The following SLC35F3 variants were observed in gnomAD, a reference collection of about 807,000 sequenced individuals.
SLC35F3 encodes the protein solute carrier family 35 member F3, also known as putative thiamine transporter SLC35F3.
In SLC35F3, 25 loss-of-function variants were observed where a neutral mutation model predicts 49.9. The ratio of observed to expected loss-of-function variants is 0.50; its 90% confidence interval spans 0.37 to 0.70. The LOEUF is 0.70. Ranked by LOEUF, SLC35F3 falls within the 30% of genes least tolerant of loss-of-function variation. The pLI, the probability that SLC35F3 is intolerant of heterozygous loss-of-function variation, is 0.00. For synonymous variants in SLC35F3, 275 were observed against 265.4 expected (o/e 1.04, Z -0.35); for missense variants, 525 against 639.8 (o/e 0.82, Z 1.94).
intron 2 of SLC35F3, among the ~76,000 whole-genome samples, chr1:234,206,855 G>A (rs917518099): frequency 1.5e-4 from 23 of 152,232 alleles, no homozygotes; most frequent in Admixed American, 5.2e-4. Flanking sequence ...ACAAGACCTT[G>A]CCTGCAGGTC....
At chr1:234,100,474 T>A (rs1319226642) in intron 2 of SLC35F3, among the ~76,000 whole-genome samples, 1 of 152,246 alleles carries the variant, frequency 6.6e-6, no homozygotes, top group African/African-American at 2.4e-5. Flanking sequence ...TGGTGTTGCC[T>A]TGTGGACAGA....
chr1:233,943,328 G>A (rs1662461847), intron 2 of SLC35F3, among the ~76,000 whole-genome samples: 1 of 152,150 alleles, frequency 6.6e-6, no homozygotes, highest in East Asian at 1.9e-4. Flanking sequence ...AAATAATCTT[G>A]TTCACAGATA....
At chr1:233,952,608 C>G (rs1037227672) in intron 2 of SLC35F3, among the ~76,000 whole-genome samples, 5 of 152,198 alleles carry the variant, frequency 3.3e-5, no homozygotes, top group African/African-American at 4.8e-5. Flanking sequence ...TTTCTTCTTG[C>G]AACCAAATCA....
rs543904001 is a variant in SLC35F3 at position 234,220,635 on chromosome 1, C to T, written c.284-10782C>T. Among the ~76,000 whole-genome samples, 9 of 152,240 alleles carry T rather than the reference C, an allele frequency of 5.9e-5. No homozygotes were observed. In the South Asian group the frequency reaches 1.2e-3, roughly 21 times the overall value. Reference sequence around the variant, plus strand: ...AGACAACTGCCATGTGGTATGCCCACGTCCTAACCACTGTACCATCTGATG... The same window carrying T: ...AGACAACTGCCATGTGGTATGCCCATGTCCTAACCACTGTACCATCTGATG... On this transcript the variant is annotated intron_variant, in intron 2 of 7. Transcript: ENST00000366618.
At chr1:234,047,694 T>TACATACACACACACACAC in intron 2 of SLC35F3, among the ~76,000 whole-genome samples, 1 of 137,622 alleles carries the variant, frequency 7.3e-6, no homozygotes, top group African/African-American at 3.4e-5. Context: ...CACACACACA[T>TACATACACACACACACAC]ACATACACAC....
intron 3 of SLC35F3, among the ~76,000 whole-genome samples, chr1:234,300,437 T>C (rs2102990026): frequency 6.6e-6 from 1 of 152,320 alleles, no homozygotes; most frequent in Admixed American, 6.5e-5. Flanking sequence ...CCTCTGGTCC[T>C]CCATAAAGGA....
At chr1:234,069,980 C>T (rs535382720) in intron 2 of SLC35F3, among the ~76,000 whole-genome samples, 1 of 152,312 alleles carries the variant, frequency 6.6e-6, no homozygotes, top group Admixed American at 6.5e-5. Flanking sequence ...ACAGCACCAC[C>T]TTGTGCTCTA....
intron 2 of SLC35F3, among the ~76,000 whole-genome samples, chr1:234,158,869 A>G (rs1666188392): frequency 1.3e-5 from 2 of 152,250 alleles, no homozygotes. Context: ...ATTAGAAAAG[A>G]ACCCTCCCTT....
chr1:234,052,370 G>C (rs1015101300), intron 2 of SLC35F3, among the ~76,000 whole-genome samples: 6 of 152,260 alleles, frequency 3.9e-5, no homozygotes, highest in African/African-American at 1.4e-4. Flanking sequence ...TCTTGGGAGG[G>C]TGTATATGTC....
intron 2 of SLC35F3, among the ~76,000 whole-genome samples, chr1:234,077,091 G>A (rs1047103326): frequency 6.9e-6 from 1 of 145,110 alleles, no homozygotes; most frequent in East Asian, 2.1e-4. Context: ...TGCAAGCTCC[G>A]CTTCCCGGGT....
chr1:234,294,849 A>G (rs1196419531), intron 3 of SLC35F3, among the ~76,000 whole-genome samples: 1 of 150,598 alleles, frequency 6.6e-6, no homozygotes, highest in Non-Finnish European at 1.5e-5. Context: ...AGCTCTGTGG[A>G]GGTGGGAGGG....
At chr1:233,991,760 C>G (rs1441839720) in intron 2 of SLC35F3, among the ~76,000 whole-genome samples, 1 of 152,170 alleles carries the variant, frequency 6.6e-6, no homozygotes, top group South Asian at 2.1e-4. Flanking sequence ...ACCTTTCATG[C>G]ATTTAGAGGA....
At chr1:234,232,519 CAAAAAAAAAAAAA>C (rs536692686) in intron 3 of SLC35F3, among the ~76,000 whole-genome samples, 3 of 72,362 alleles carry the variant, frequency 4.1e-5, no homozygotes, top group African/African-American at 1.6e-4. Context: ...CAGGCCTAGT[CAAAAAAAAAAAAA>C]AAAAAAAAGA....
At chr1:234,314,636 C>G (rs1229122030) in intron 4 of SLC35F3, among the ~76,000 whole-genome samples, 1 of 152,198 alleles carries the variant, frequency 6.6e-6, no homozygotes, top group East Asian at 1.9e-4. Context: ...TGGCGGGCAC[C>G]TGTAGTCACA....
chr1:234,324,327 T>C lies in SLC35F3; in HGVS notation c.*1084T>C, dbSNP rs1657703629. The C allele has an allele frequency of 6.6e-6, 1 of 152,216 alleles. No homozygotes were observed. Among genetic ancestry groups the C allele is most frequent in the Non-Finnish European group, 1.5e-5 (1 of 68,046 alleles). The allele number at this position is 152,216 out of a possible 1,614,324, so 9.4% of individuals were successfully genotyped here. A position where few individuals can be genotyped will look rare whatever the true frequency, so the allele number is the denominator to read the frequency against. Reference sequence around the variant, plus strand: ...TTTACTATTTTTGAAGTTTACATTGTTACATATGAAATGGAAACATTATTT... The same window carrying C: ...TTTACTATTTTTGAAGTTTACATTGCTACATATGAAATGGAAACATTATTT... On this transcript the variant is annotated 3_prime_UTR_variant, in exon 8 of 8. Coordinates refer to ENST00000366618, the MANE Select transcript of SLC35F3 (RefSeq NM_173508.4).
In SLC35F3 at chr1:233,965,295, A is replaced by G. The variant is rs533342142; in HGVS notation, c.283+59537A>G. On this transcript the variant is annotated intron_variant, in intron 2 of 7. Transcript: ENST00000366618. ...ACTTGCACTTAGAATCTGCATGAAA[A>G]TGTTTAAATAGCTACCCCAGGCTTA... is the stretch of plus-strand genomic sequence containing the variant. 2.0e-5 allele frequency among the ~76,000 whole-genome samples: 3 copies of G among 152,296 alleles called. No individual in the cohort carries two copies. The South Asian group carries it at 6.2e-4, about 32-fold the overall frequency.
intron 2 of SLC35F3, among the ~76,000 whole-genome samples, chr1:234,184,766 A>G (rs1313797584): frequency 3.3e-5 from 5 of 152,220 alleles, no homozygotes; most frequent in Non-Finnish European, 7.3e-5. Context: ...CCCATGATGA[A>G]TAACTATTTA....
At chr1:234,229,714 C>A (rs914682657) in intron 2 of SLC35F3, among the ~76,000 whole-genome samples, 3 of 152,140 alleles carry the variant, frequency 2.0e-5, no homozygotes, top group Non-Finnish European at 4.4e-5. Flanking sequence ...TAGTGACAAA[C>A]CCCTCTAACC....
chr1:234,125,412 A>G (rs936960974), intron 2 of SLC35F3, among the ~76,000 whole-genome samples: 5 of 152,236 alleles, frequency 3.3e-5, no homozygotes, highest in South Asian at 4.1e-4. Flanking sequence ...TCACATTTCA[A>G]TGTCCAAAGC....
Sources: allele counts gnomAD v4.1 joint callset (sites outside exome capture counted in the v4.1 genomes callset), GRCh38; gene constraint gnomAD v4.1.1; transcripts MANE v1.5; gene names NCBI Gene and HGNC (gene_info 2026-07-23, HGNC 2026-07-21).